Variants in MMP26 observed in about 807,000 individuals in gnomAD.
MMP26 encodes matrix metalloproteinase-26.
MMP26 carries 33 observed loss-of-function variants against 31.0 expected under a neutral mutation model. The ratio of observed to expected loss-of-function variants is 1.06; its 90% confidence interval spans 0.81 to 1.42. The LOEUF (loss-of-function observed/expected upper bound fraction) is 1.42, where lower values mean the gene tolerates loss of function less well. Ranked by LOEUF, MMP26 falls within the 40% of genes most tolerant of loss-of-function variation. MMP26 has a pLI of 0.00. For synonymous variants in MMP26, 122 were observed against 114.9 expected (o/e 1.06, Z -0.40); for missense variants, 347 against 316.1 (o/e 1.10, Z -0.74).
chr11:4,835,061 C>A (rs1033805097), intron 2 of MMP26, among the ~76,000 whole-genome samples: 1 of 151,858 alleles, frequency 6.6e-6, no homozygotes, highest in Admixed American at 6.6e-5. Flanking sequence ...TAATAAAGAT[C>A]CCACTACTCA....
chr11:4,943,804 C>A (rs752791842), intron 2 of MMP26: 2 of 429,358 alleles, frequency 4.7e-6, no homozygotes, highest in South Asian at 1.7e-5. Flanking sequence ...CTTCACCTCC[C>A]CCATTGAGAT....
chr11:4,915,940 C>T (rs142312606), intron 2 of MMP26, among the ~76,000 whole-genome samples: 39 of 152,140 alleles, frequency 2.6e-4, no homozygotes, highest in African/African-American at 5.3e-4. Context: ...CTAAATGAGC[C>T]GCTCCACCCT....
At chr11:4,826,614 T>A (rs985015112) in intron 2 of MMP26, among the ~76,000 whole-genome samples, 3 of 152,098 alleles carry the variant, frequency 2.0e-5, no homozygotes, top group Non-Finnish European at 4.4e-5. Context: ...AGGAGTCTGG[T>A]TGGCAAACCA....
intron 2 of MMP26, among the ~76,000 whole-genome samples, chr11:4,893,395 C>A (rs944953553): frequency 6.6e-6 from 1 of 152,018 alleles, no homozygotes; most frequent in African/African-American, 2.4e-5. Context: ...ATACTACAAC[C>A]ACACTCCTTT....
chr11:4,882,206 A>AT, intron 2 of MMP26: 1 of 1,613,760 alleles, frequency 6.2e-7, no homozygotes, highest in African/African-American at 1.3e-5. Flanking sequence ...CTTCATTCAA[A>AT]TGTTCTTTGT....
At chr11:4,764,251 A>AT (rs1348527813) in intron 1 of MMP26, among the ~76,000 whole-genome samples, 2 of 152,218 alleles carry the variant, frequency 1.3e-5, no homozygotes, top group East Asian at 3.9e-4. Context: ...AGTTGACAAT[A>AT]TTTTTTTGCT....
intron 2 of MMP26, among the ~76,000 whole-genome samples, chr11:4,840,886 T>C (rs1287015790): frequency 1.3e-5 from 2 of 152,188 alleles, no homozygotes; most frequent in African/African-American, 4.8e-5. Context: ...AATACCTGTG[T>C]TGAGGAAACT....
intron 1 of MMP26, among the ~76,000 whole-genome samples, chr11:4,750,734 G>A (rs756414879): frequency 7.2e-5 from 11 of 152,036 alleles, no homozygotes; most frequent in South Asian, 2.1e-4. Flanking sequence ...ACATATGGCC[G>A]TTTAGAGTGA....
chr11:4,820,808 T>C (rs952131322), intron 2 of MMP26, among the ~76,000 whole-genome samples: 1 of 152,166 alleles, frequency 6.6e-6, no homozygotes, highest in Non-Finnish European at 1.5e-5. Context: ...CAAGAGTTGG[T>C]GTATGGATGA....
rs76633831 is a variant in MMP26, at chr11:4,818,580, C to T, written c.-145+51239C>T. Among the ~76,000 whole-genome samples, 1,268 of 151,982 alleles carry T rather than the reference C, an allele frequency of 8.3e-3. 15 individuals carry two copies. Among genetic ancestry groups the T allele is most frequent in the African/African-American group, 0.029 (1,195 of 41,488 alleles). ...TTTCATCTTTGTTAATTGCTTCTTT[C>T]GATATTTATTTAATTATAATCCCAG... On this transcript the variant is annotated intron_variant, in intron 2 of 7. Transcript: ENST00000380390.
intron 2 of MMP26, among the ~76,000 whole-genome samples, chr11:4,932,294 G>A (rs1232953292): frequency 2.6e-5 from 4 of 151,720 alleles, no homozygotes; most frequent in Non-Finnish European, 5.9e-5. Flanking sequence ...GAGATGGAAC[G>A]TATTTCTCTT....
At chr11:4,922,418 A>T (rs1851199315) in intron 2 of MMP26, among the ~76,000 whole-genome samples, 1 of 152,178 alleles carries the variant, frequency 6.6e-6, no homozygotes, top group Admixed American at 6.5e-5. Flanking sequence ...TTCACTCCCT[A>T]TGTATCTAGA....
At chr11:4,897,507 T>C (rs1013795318) in intron 2 of MMP26, among the ~76,000 whole-genome samples, 1 of 152,234 alleles carries the variant, frequency 6.6e-6, no homozygotes, top group Non-Finnish European at 1.5e-5. Flanking sequence ...AAAACATTTA[T>C]TTTTATGACT....
intron 2 of MMP26, chr11:4,973,654 G>C (rs552672752): frequency 6.0e-6 from 1 of 166,038 alleles, no homozygotes; most frequent in Non-Finnish European, 1.4e-5. Flanking sequence ...GGAGAGAGGA[G>C]AGGGATAGTC....
At chr11:4,931,623 A>G (rs1382779623) in intron 2 of MMP26, among the ~76,000 whole-genome samples, 5 of 152,084 alleles carry the variant, frequency 3.3e-5, no homozygotes, top group Non-Finnish European at 7.4e-5. Context: ...TTAACATGCT[A>G]TTCTTTTAAA....
rs1450366984 is a variant in MMP26 at position 4,948,118 on chromosome 11, A to G, written c.-144-39950A>G. Among the ~76,000 whole-genome samples the G allele has an allele frequency of 1.6e-5, 2 of 124,784 alleles. 1 individual carries two copies. The highest frequency in any genetic ancestry group is 3.6e-5 in the Non-Finnish European group (2 of 55,006). The allele number at this position is 124,784 out of a possible 152,430, so 81.9% of individuals were successfully genotyped here. On this transcript the variant is annotated intron_variant, in intron 2 of 7. Coordinates refer to ENST00000380390, the MANE Select transcript of MMP26 (RefSeq NM_021801.5). ...TCCTTAAAACCAACTTGTCCAACTTATACAAGTTTTTCTCCCTTACCAAAT... is the reference window on the plus strand; with the variant it reads ...TCCTTAAAACCAACTTGTCCAACTTGTACAAGTTTTTCTCCCTTACCAAAT...
At chr11:4,746,947 A>C (rs1848389951) in intron 1 of MMP26, among the ~76,000 whole-genome samples, 1 of 151,854 alleles carries the variant, frequency 6.6e-6, no homozygotes, top group Admixed American at 6.6e-5. Context: ...CTGGATGTTT[A>C]GTGTTGTAAA....
chr11:4,864,816 A>G (rs952930263), intron 2 of MMP26, among the ~76,000 whole-genome samples: 1 of 152,130 alleles, frequency 6.6e-6, no homozygotes, highest in African/African-American at 2.4e-5. Flanking sequence ...ACTAGAATCA[A>G]TTTCAGAAAG....
chr11:4,770,213 A>G (rs2898969), intron 2 of MMP26, among the ~76,000 whole-genome samples: 42,619 of 152,128 alleles, frequency 0.28, 6,984 homozygotes, highest in African/African-American at 0.44. Flanking sequence ...ATATATTAAG[A>G]TGCATCATAT....
Sources: gnomAD v4.1 joint callset for allele counts (sites outside exome capture counted in the v4.1 genomes callset) on GRCh38, gnomAD v4.1.1 for gene constraint, MANE v1.5 for transcripts, NCBI Gene and HGNC (gene_info 2026-07-23, HGNC 2026-07-21) for gene names.